GRAPL: variants seen among roughly 807,000 people sequenced by gnomAD.
GRAPL encodes the protein GRB2-related adapter protein-like.
At chr17:19,148,824 C>T (rs1440055597) in intron 3 of GRAPL, among the ~76,000 whole-genome samples, 2 of 104,318 alleles carry the variant, frequency 1.9e-5, no homozygotes, top group Non-Finnish European at 3.8e-5. Flanking sequence ...AGGAGAATGG[C>T]GTGAACCTGG....
In GRAPL at chr17:19,147,048, T is replaced by TGC. The variant is rs1318303160; in HGVS notation, c.299+8461_299+8462insCG. Among the ~76,000 whole-genome samples, 32 of 126,010 alleles carry TGC rather than the reference T, an allele frequency of 2.5e-4. 1 individual carries two copies. The highest frequency in any genetic ancestry group is 3.8e-3 in the Middle Eastern group (1 of 266). The allele number at this position is 126,010 out of a possible 152,430, so 82.7% of individuals were successfully genotyped here. Reference sequence around the variant, plus strand: ...GTGTGTGTGTGTGTGTGTGTGTGTGTGTGCGCGCGCGCGCGCGTGCATGTG... The same window carrying TGC: ...GTGTGTGTGTGTGTGTGTGTGTGTGTGCGTGCGCGCGCGCGCGCGTGCATGTG... On this transcript the variant is annotated intron_variant, in intron 3 of 3. Transcript: ENST00000344415.
chr17:19,148,933 A>T (rs1485487821), intron 3 of GRAPL, among the ~76,000 whole-genome samples: 1 of 134,066 alleles, frequency 7.5e-6, no homozygotes, highest in Non-Finnish European at 1.6e-5. Flanking sequence ...AAGAAAAGAA[A>T]AAAGAAAGAG....
intron 3 of GRAPL, among the ~76,000 whole-genome samples, chr17:19,144,386 T>C (rs1488743271): frequency 8.0e-6 from 1 of 124,398 alleles, no homozygotes; most frequent in East Asian, 5.7e-4. Context: ...CTTGGGGCTT[T>C]TCTGACAGCC....
intron 3 of GRAPL, among the ~76,000 whole-genome samples, chr17:19,149,299 A>G: frequency 1.2e-5 from 1 of 86,486 alleles, no homozygotes; most frequent in African/African-American, 8.7e-5. Context: ...ACTGCACTCC[A>G]GCCTGGGCAA....
intron 3 of GRAPL, among the ~76,000 whole-genome samples, chr17:19,147,132 G>A (rs1169036444): frequency 6.9e-6 from 1 of 144,944 alleles, no homozygotes; most frequent in East Asian, 2.2e-4. Context: ...GCCCAAATGT[G>A]AACAAAAAGA....
chr17:19,148,920 A>G lies in GRAPL; in HGVS notation c.300-9399A>G, dbSNP rs1379761634. On this transcript the variant is annotated intron_variant, in intron 3 of 3. Transcript: ENST00000344415. Reference sequence around the variant, plus strand: ...GAGACCACGCCTCAAAAAAAAAAAAAAAAAGAAAAGAAAAAAGAAAGAGCA... The same window carrying G: ...GAGACCACGCCTCAAAAAAAAAAAAGAAAAGAAAAGAAAAAAGAAAGAGCA... Among the ~76,000 whole-genome samples the G allele has an allele frequency of 6.0e-4, 82 of 135,590 alleles. 1 individual carries two copies. The highest frequency in any genetic ancestry group is 2.1e-3 in the African/African-American group (78 of 37,220). 89.0% of individuals were successfully genotyped at this position (135,590 alleles called of 152,430 possible).
chr17:19,148,907 C>CAAA (rs1177333542), intron 3 of GRAPL, among the ~76,000 whole-genome samples: 1 of 78,648 alleles, frequency 1.3e-5, no homozygotes, highest in East Asian at 6.8e-4. Context: ...GACCACGCCT[C>CAAA]AAAAAAAAAA....
chr17:19,148,907 CAAAAAA>C (rs1177333542), intron 3 of GRAPL, among the ~76,000 whole-genome samples: 1 of 78,656 alleles, frequency 1.3e-5, no homozygotes, highest in East Asian at 6.8e-4. Context: ...GACCACGCCT[CAAAAAA>C]AAAAAAAAAA....
intron 3 of GRAPL, among the ~76,000 whole-genome samples, chr17:19,147,061 G>GCA (rs1382083381): frequency 1.5e-5 from 2 of 135,330 alleles, no homozygotes; most frequent in African/African-American, 6.5e-5. Flanking sequence ...GCGCGCGCGC[G>GCA]CGCGTGCATG....
rs1360491060 is a variant in GRAPL at position 19,149,068 on chromosome 17, G to A, written c.300-9251G>A. On this transcript the variant is annotated intron_variant, in intron 3 of 3. Coordinates refer to ENST00000344415, the MANE Select transcript of GRAPL (RefSeq NM_001129778.3). ...TCCGTGGCTGGGCGCAGTGGCTCAC[G>A]CCTATAATCCCAGCACTTTGGGAGG... Among the ~76,000 whole-genome samples the A allele has an allele frequency of 7.1e-5, 9 of 126,752 alleles. 1 individual carries two copies. Among genetic ancestry groups the A allele is most frequent in the African/African-American group, 2.6e-4 (9 of 34,402 alleles). The allele number at this position is 126,752 out of a possible 152,430, so 83.2% of individuals were successfully genotyped here.
chr17:19,149,326 C>A (rs1597954095), intron 3 of GRAPL, among the ~76,000 whole-genome samples: 1 of 51,256 alleles, frequency 2.0e-5, no homozygotes, highest in Non-Finnish European at 2.6e-5. Flanking sequence ...AAGACTCTGT[C>A]TCAAAAAAAA....
At chr17:19,150,073 CA>C (rs1269796625) in intron 3 of GRAPL, among the ~76,000 whole-genome samples, 13 of 4,894 alleles carry the variant, frequency 2.7e-3, no homozygotes, top group Middle Eastern at 0.042. Flanking sequence ...GACTCCGTCT[CA>C]AAAAAAAAAA....
chr17:19,147,058 C>CGA (rs2044700190), intron 3 of GRAPL, among the ~76,000 whole-genome samples: 2 of 129,012 alleles, frequency 1.6e-5, no homozygotes, highest in African/African-American at 6.5e-5. Flanking sequence ...TGTGCGCGCG[C>CGA]GCGCGCGTGC....
chr17:19,147,016 G>GGGGTGT (rs777392473), intron 3 of GRAPL, among the ~76,000 whole-genome samples: 1 of 98,536 alleles, frequency 1.0e-5, no homozygotes, highest in Non-Finnish European at 1.8e-5. Context: ...GAGAGGTAGG[G>GGGGTGT]GTGTGTGTGT....
At chr17:19,130,859 GTATGTGGCCTACAGGCCCTCA>G (rs1234085721) in intron 1 of GRAPL, among the ~76,000 whole-genome samples, 4 of 58,112 alleles carry the variant, frequency 6.9e-5, no homozygotes, top group Non-Finnish European at 1.1e-4. Flanking sequence ...CATGGCTGTG[GTATGTGGCCTACAGGCCCTCA>G]TTTTCTCCTT....
chr17:19,137,053 AAGTC>A (rs1265138962), intron 2 of GRAPL, among the ~76,000 whole-genome samples: 3 of 138,120 alleles, frequency 2.2e-5, no homozygotes, highest in African/African-American at 7.4e-5. Flanking sequence ...GGGGGACAGA[AAGTC>A]AGCCTATAGC....
intron 3 of GRAPL, among the ~76,000 whole-genome samples, chr17:19,147,050 T>TGTGCGC (rs1460018018): frequency 7.5e-5 from 9 of 119,694 alleles, no homozygotes; most frequent in African/African-American, 3.4e-4. Context: ...TGTGTGTGTG[T>TGTGCGC]GCGCGCGCGC....
At chr17:19,148,625 G>A (rs1471328432) in intron 3 of GRAPL, among the ~76,000 whole-genome samples, 16 of 22,930 alleles carry the variant, frequency 7.0e-4, no homozygotes, top group Non-Finnish European at 7.9e-4. Context: ...GAGCAGGCTC[G>A]GCTGGGTGCG....
At chr17:19,148,801 G>C (rs1205601447) in intron 3 of GRAPL, among the ~76,000 whole-genome samples, 1 of 103,178 alleles carries the variant, frequency 9.7e-6, no homozygotes, top group African/African-American at 3.5e-5. Context: ...CCAGCTACTC[G>C]GGAGGCTGAG....
Sources: allele counts gnomAD v4.1 joint callset (sites outside exome capture counted in the v4.1 genomes callset), GRCh38; gene constraint gnomAD v4.1.1; transcripts MANE v1.5; gene names NCBI Gene and HGNC (gene_info 2026-07-23, HGNC 2026-07-21).